Variants in FAM227B observed in about 807,000 individuals in gnomAD.
FAM227B encodes protein FAM227B.
Under a neutral mutation model 73.8 loss-of-function variants are expected in FAM227B, and 88 were observed. The ratio of observed to expected loss-of-function variants is 1.19; its 90% CI spans 1.00 to 1.42. The LOEUF is 1.42. Among genes scored for constraint, FAM227B ranks in the 40% most tolerant of loss-of-function variants. The pLI, the probability that FAM227B is intolerant of heterozygous loss-of-function variation, is 0.00. For synonymous variants in FAM227B, 210 were observed against 190.5 expected, an observed-to-expected ratio of 1.10 and a Z score of -0.84; for missense variants, 632 against 590.9, an observed-to-expected ratio of 1.07 and a Z score of -0.72.
chr15:49,464,904 T>C (rs1347413151), intron 11 of FAM227B, among the ~76,000 whole-genome samples: 11 of 152,148 alleles, frequency 7.2e-5, no homozygotes, highest in Admixed American at 1.3e-4. Flanking sequence ...AAGACATACA[T>C]GACATACCTA....
At chr15:49,350,952 C>T (rs1442727583) in intron 13 of FAM227B, among the ~76,000 whole-genome samples, 5 of 152,190 alleles carry the variant, frequency 3.3e-5, no homozygotes, top group African/African-American at 7.2e-5. Context: ...CTTAAAAGCA[C>T]GTTGTTAAGG....
chr15:49,330,756 AAAG>A (rs1391124456), intron 15 of FAM227B: 1 of 152,058 alleles, frequency 6.6e-6, no homozygotes, highest in Non-Finnish European at 1.5e-5. Context: ...AAAAAAAAAA[AAAG>A]AGAGAAAGAA....
chr15:49,437,552 T>A (rs1316954023), intron 11 of FAM227B, among the ~76,000 whole-genome samples: 5 of 151,668 alleles, frequency 3.3e-5, no homozygotes, highest in African/African-American at 4.8e-5. Flanking sequence ...GTAAATCATA[T>A]CTCTGTTTCT....
chr15:49,590,687 AT>A (rs2076470242), intron 3 of FAM227B, among the ~76,000 whole-genome samples: 1 of 152,174 alleles, frequency 6.6e-6, no homozygotes, highest in East Asian at 1.9e-4. Context: ...TGTTGAGAAC[AT>A]TTAAGATCTA....
intron 9 of FAM227B, 69 bp downstream of exon 9, chr15:49,568,171 TAAATA>T (rs2074808126): frequency 1.6e-6 from 2 of 1,288,850 alleles, no homozygotes; most frequent in Non-Finnish European, 1.1e-6. Context: ...CATATGGGTT[TAAATA>T]AAATAACGAT....
At chr15:49,580,633 T>C (rs757671341) in intron 5 of FAM227B, among the ~76,000 whole-genome samples, 2 of 152,104 alleles carry the variant, frequency 1.3e-5, no homozygotes, top group African/African-American at 2.4e-5. Flanking sequence ...CTTAACCAGG[T>C]TGAAATGGCT....
intron 11 of FAM227B, among the ~76,000 whole-genome samples, chr15:49,429,039 C>T (rs2050366734): frequency 6.6e-6 from 1 of 152,008 alleles, no homozygotes; most frequent in African/African-American, 2.4e-5. Context: ...AGCAAATACA[C>T]ATATTGCCTC....
intron 11 of FAM227B, among the ~76,000 whole-genome samples, chr15:49,401,767 C>T (rs533214935): frequency 2.9e-4 from 39 of 133,646 alleles, no homozygotes; most frequent in Middle Eastern, 3.7e-3. Flanking sequence ...AACCAAACAC[C>T]GCATATTCTC....
chr15:49,468,496 C>T (rs2054462233), intron 11 of FAM227B, among the ~76,000 whole-genome samples: 2 of 152,102 alleles, frequency 1.3e-5, no homozygotes, highest in Non-Finnish European at 2.9e-5. Context: ...ACAGGGCATG[C>T]TTTCTTAGGG....
intron 15 of FAM227B, chr15:49,330,776 T>C (rs79958737): frequency 0.06 from 9,037 of 151,740 alleles, 538 homozygotes; most frequent in African/African-American, 0.15. Context: ...AGAATGAATA[T>C]TTTTGTGTGT....
chr15:49,469,240 T>C (rs2054525648), intron 11 of FAM227B, among the ~76,000 whole-genome samples: 2 of 152,190 alleles, frequency 1.3e-5, no homozygotes, highest in African/African-American at 4.8e-5. Context: ...TTTTCAAACA[T>C]ATTTTCTTTT....
chr15:49,418,453 A>G (rs2049367114), intron 11 of FAM227B, among the ~76,000 whole-genome samples: 3 of 152,264 alleles, frequency 2.0e-5, no homozygotes, highest in African/African-American at 7.2e-5. Flanking sequence ...AATGTGGTAC[A>G]TATAGACTAT....
chr15:49,440,616 T>C (rs1781684403), intron 11 of FAM227B, among the ~76,000 whole-genome samples: 1 of 151,752 alleles, frequency 6.6e-6, no homozygotes, highest in Non-Finnish European at 1.5e-5. Flanking sequence ...GAATAAAAAC[T>C]TCTCTTTATT....
chr15:49,333,657 T>A (rs2151164132), intron 14 of FAM227B, among the ~76,000 whole-genome samples: 1 of 152,348 alleles, frequency 6.6e-6, no homozygotes, highest in East Asian at 1.9e-4. Flanking sequence ...TTATAAGTTC[T>A]AAAATAGTAT....
chr15:49,462,158 T>C (rs758463741), intron 11 of FAM227B, among the ~76,000 whole-genome samples: 3 of 152,004 alleles, frequency 2.0e-5, no homozygotes, highest in Non-Finnish European at 4.4e-5. Flanking sequence ...GAGAGCATGG[T>C]GAAAGGAGAA....
chr15:49,444,967 T>C (rs1165605143), intron 11 of FAM227B, among the ~76,000 whole-genome samples: 2 of 151,672 alleles, frequency 1.3e-5, no homozygotes, highest in African/African-American at 4.8e-5. Context: ...CAAATATTCA[T>C]GTATTCATAT....
At position 49,335,601 on chromosome 15, in the gene FAM227B, A is replaced by C. The variant is rs969122530; in HGVS notation, c.1272-105T>G. 5 of 695,108 alleles carry C rather than the reference A, an allele frequency of 7.2e-6. No homozygotes were observed. In the African/African-American group the frequency reaches 8.9e-5, roughly 12 times the overall value. The allele number at this position is 695,108 out of a possible 1,614,324, so 43.1% of individuals were successfully genotyped here. ...GGGGACCGTGTGACCTTCACTTTTCAGTAATGAAGAGTCTCAAGTATAAAC... is the reference window on the plus strand; with the variant it reads ...GGGGACCGTGTGACCTTCACTTTTCCGTAATGAAGAGTCTCAAGTATAAAC... On this transcript the variant is annotated intron_variant, in intron 13 of 15. Coordinates refer to ENST00000299338, the MANE Select transcript of FAM227B (RefSeq NM_152647.3).
At chr15:49,489,843 A>ATATATATATATAT (rs2056834117) in intron 11 of FAM227B, among the ~76,000 whole-genome samples, 1 of 14,468 alleles carries the variant, frequency 6.9e-5, no homozygotes, top group Non-Finnish European at 1.4e-4. Flanking sequence ...TATATATTTT[A>ATATATATATATAT]TATATATATA....
intron 11 of FAM227B, among the ~76,000 whole-genome samples, chr15:49,489,871 T>TATA (rs2056885106): frequency 6.3e-5 from 1 of 15,798 alleles, no homozygotes; most frequent in Non-Finnish European, 1.5e-4. Context: ...TATATATATA[T>TATA]ATATATATAT....
Sources: allele counts gnomAD v4.1 joint callset (sites outside exome capture counted in the v4.1 genomes callset), GRCh38; gene constraint gnomAD v4.1.1; transcripts MANE v1.5; gene names NCBI Gene and HGNC (gene_info 2026-07-23, HGNC 2026-07-21).